The following TWIST2 variants were observed in gnomAD, a reference collection of about 807,000 sequenced individuals.
The protein encoded by TWIST2 is twist family bHLH transcription factor 2, also known as twist-related protein 2.
In TWIST2, 1 loss-of-function variant was observed where a neutral mutation model predicts 11.6. The observed-to-expected ratio is 0.09, with a 90% CI of 0.03 to 0.41. TWIST2 has a LOEUF of 0.41. Among genes scored for constraint, TWIST2 ranks in the 10% least tolerant of loss-of-function variants. The probability of loss-of-function intolerance (pLI) is 0.98; values close to 1 mark genes in which losing one functional copy is unlikely to be tolerated. For missense variants in TWIST2, 168 were observed against 226.4 expected (o/e 0.74, Z 1.66); for synonymous variants, 87 against 96.6 (o/e 0.90, Z 0.58).
chr2:238,906,540 G>C (rs1693358389), intron 1 of TWIST2, among the ~76,000 whole-genome samples: 1 of 152,062 alleles, frequency 6.6e-6, no homozygotes. Flanking sequence ...ACACACACGG[G>C]CCAACTTACA....
At chr2:238,873,793 G>A (rs1009908905) in intron 1 of TWIST2, among the ~76,000 whole-genome samples, 2 of 152,130 alleles carry the variant, frequency 1.3e-5, no homozygotes, top group African/African-American at 4.8e-5. Flanking sequence ...GGAACATCTC[G>A]ATACCAGAAA....
chr2:238,898,744 G>C (rs1693235874), intron 1 of TWIST2, among the ~76,000 whole-genome samples: 1 of 152,354 alleles, frequency 6.6e-6, no homozygotes, highest in Admixed American at 6.5e-5. Flanking sequence ...TAAGGGCTTT[G>C]AGGCTTCCGT....
intron 1 of TWIST2, chr2:238,886,876 C>T (rs184726446): frequency 3.3e-5 from 5 of 152,296 alleles, no homozygotes; most frequent in African/African-American, 9.6e-5. Flanking sequence ...GCCCACGAAA[C>T]GTTGGCGGGA....
At chr2:238,891,860 G>A (rs543213080) in intron 1 of TWIST2, among the ~76,000 whole-genome samples, 16 of 152,254 alleles carry the variant, frequency 1.1e-4, no homozygotes, top group Non-Finnish European at 1.8e-4. Context: ...CGGAGTCCGC[G>A]GGGATGTCTT....
At position 238,848,556 on chromosome 2, in the gene TWIST2, T is replaced by C; in HGVS notation, c.341T>C (p.Ile114Thr). ...ACGCTCAAGCTGGCCGCCAGGTACA[T>C]AGACTTCCTCTACCAGGTCCTGCAG... is the stretch of plus-strand genomic sequence containing the variant. ...IQTLKLAARY[I>T]DFLYQVLQSD... Residue 114 changes from isoleucine to threonine, a missense_variant, in exon 1 of 2, where the codon ATA becomes ACA. Physicochemically the swap from Ile to Thr is moderately conservative, Grantham distance 89. Transcript: ENST00000612363. 1.3e-6 allele frequency: 2 copies of C among 1,589,382 alleles called. No homozygotes were observed. Among genetic ancestry groups the C allele is most frequent in the Non-Finnish European group, 1.7e-6 (2 of 1,170,146 alleles).
chr2:238,889,013 A>G (rs1278360891), intron 1 of TWIST2, among the ~76,000 whole-genome samples: 2 of 152,184 alleles, frequency 1.3e-5, no homozygotes, highest in African/African-American at 4.8e-5. Context: ...AAAAAATTCC[A>G]GTGTCATCCT....
intron 1 of TWIST2, among the ~76,000 whole-genome samples, chr2:238,883,578 T>C (rs1692977625): frequency 6.6e-6 from 1 of 152,052 alleles, no homozygotes; most frequent in African/African-American, 2.4e-5. Context: ...TTAACTCCAA[T>C]AGAAGGAGAA....
chr2:238,870,561 C>CCA (rs1692657872), intron 1 of TWIST2, among the ~76,000 whole-genome samples: 2 of 98,170 alleles, frequency 2.0e-5, no homozygotes, highest in Non-Finnish European at 4.0e-5. Context: ...CCCACACACA[C>CCA]CACACACCAC....
chr2:238,872,597 G>T (rs180937683), intron 1 of TWIST2, among the ~76,000 whole-genome samples: 1 of 152,190 alleles, frequency 6.6e-6, no homozygotes, highest in South Asian at 2.1e-4. Flanking sequence ...ACAAATATGA[G>T]TCTTCAAGGT....
At chr2:238,903,628 GGT>G (rs1290128694) in intron 1 of TWIST2, among the ~76,000 whole-genome samples, 6 of 144,050 alleles carry the variant, frequency 4.2e-5, no homozygotes, top group African/African-American at 7.8e-5. Context: ...TGTGATGTGA[GGT>G]GTGTGTGTGA....
At chr2:238,898,547 C>T (rs907505957) in intron 1 of TWIST2, among the ~76,000 whole-genome samples, 22 of 152,190 alleles carry the variant, frequency 1.4e-4, no homozygotes, top group Non-Finnish European at 3.1e-4. Context: ...GGGGAGTTCC[C>T]GCCAGCCGCT....
intron 1 of TWIST2, among the ~76,000 whole-genome samples, chr2:238,875,744 C>A (rs758034193): frequency 6.6e-6 from 1 of 152,172 alleles, no homozygotes; most frequent in East Asian, 1.9e-4. Flanking sequence ...TTCTGGGGGT[C>A]ATGAGTCTCT....
intron 1 of TWIST2, among the ~76,000 whole-genome samples, chr2:238,892,463 G>T (rs915543219): frequency 6.6e-6 from 1 of 152,040 alleles, no homozygotes; most frequent in African/African-American, 2.4e-5. Flanking sequence ...CTCTAATATG[G>T]TTTTTTGTTT....
At chr2:238,894,172 A>G (rs1008617777) in intron 1 of TWIST2, among the ~76,000 whole-genome samples, 5 of 152,172 alleles carry the variant, frequency 3.3e-5, no homozygotes, top group African/African-American at 1.2e-4. Flanking sequence ...AGTTGGCCTC[A>G]GTCTGGAGAA....
intron 1 of TWIST2, among the ~76,000 whole-genome samples, chr2:238,909,322 A>G (rs1238565739): frequency 1.3e-5 from 2 of 151,990 alleles, no homozygotes; most frequent in Admixed American, 6.5e-5. Context: ...TTTTGAAAGC[A>G]CGCATTTTAA....
intron 1 of TWIST2, among the ~76,000 whole-genome samples, chr2:238,873,199 CTTG>C (rs1427519525): frequency 6.6e-6 from 1 of 152,124 alleles, no homozygotes; most frequent in Non-Finnish European, 1.5e-5. Flanking sequence ...TCAACAAATA[CTTG>C]TTGAGAGCCT....
intron 1 of TWIST2, among the ~76,000 whole-genome samples, chr2:238,861,349 C>T (rs929440126): frequency 6.6e-6 from 1 of 152,216 alleles, no homozygotes; most frequent in Non-Finnish European, 1.5e-5. Context: ...GCCACTTCTG[C>T]TTCGTGGTAA....
intron 1 of TWIST2, among the ~76,000 whole-genome samples, chr2:238,855,671 C>G (rs1424485743): frequency 1.3e-5 from 2 of 152,188 alleles, no homozygotes; most frequent in African/African-American, 4.8e-5. Context: ...ACATGATTAA[C>G]TGAAGTCCGC....
In TWIST2 at chr2:238,866,068, C is replaced by T. The variant is rs565675954; in HGVS notation, c.*35+17335C>T. Among the ~76,000 whole-genome samples, 6 of 152,308 alleles carry T rather than the reference C, an allele frequency of 3.9e-5. No individual in the cohort carries two copies. The highest frequency in any genetic ancestry group is 1.9e-4 in the East Asian group (1 of 5,168). On this transcript the variant is annotated intron_variant, in intron 1 of 1. Coordinates refer to ENST00000612363, the MANE Select transcript of TWIST2 (RefSeq NM_001271893.4). This position sits in a 1 kb window ranked among gnomAD's most constrained non-coding sequence, Gnocchi z 4.9. ...TAACCTGTTAATGGAATAGCATGGA[C>T]GATGCACCCCACACTGCATCTGGTG...
Sources: allele counts gnomAD v4.1 joint callset (sites outside exome capture counted in the v4.1 genomes callset), GRCh38; gene constraint gnomAD v4.1.1; non-coding constraint Gnocchi (gnomAD v3.1); transcripts MANE v1.5; gene names NCBI Gene and HGNC (gene_info 2026-07-23, HGNC 2026-07-21).